Variants in COG5 observed in about 807,000 individuals in gnomAD.
The protein encoded by COG5 is conserved oligomeric Golgi complex subunit 5.
Under a neutral mutation model 110.4 loss-of-function variants are expected in COG5, and 86 were observed. That is an observed-to-expected ratio of 0.78 (90% CI 0.65 to 0.93). The LOEUF is 0.93. COG5 is among the 40% of genes least tolerant of loss of function. The pLI is 0.00. For missense variants in COG5, 1,077 were observed against 987.0 expected (o/e 1.09, Z -1.22); for synonymous variants, 360 against 334.6 (o/e 1.08, Z -0.83).
chr7:107,284,950 G>A (rs554066819), intron 12 of COG5, among the ~76,000 whole-genome samples: 2 of 152,040 alleles, frequency 1.3e-5, no homozygotes, highest in South Asian at 4.2e-4. Context: ...TCATGTATAT[G>A]AAACTTGGCT....
intron 17 of COG5, among the ~76,000 whole-genome samples, chr7:107,243,667 G>GT (rs1801829301): frequency 6.6e-6 from 1 of 152,016 alleles, no homozygotes; most frequent in African/African-American, 2.4e-5. Context: ...TGGACCAAAT[G>GT]CAACTGATAG....
chr7:107,230,472 T>C, intron 19 of COG5, 143 bp downstream of exon 19: 1 of 733,302 alleles, frequency 1.4e-6, no homozygotes. Context: ...CTGATTTGAA[T>C]ACTTTCTAAG....
chr7:107,409,088 A>G (rs1434519718), intron 7 of COG5, among the ~76,000 whole-genome samples: 1 of 152,022 alleles, frequency 6.6e-6, no homozygotes, highest in African/African-American at 2.4e-5. Flanking sequence ...TTGAGATTTT[A>G]AAGTTATCAG....
chr7:107,310,224 C>G (rs1014264966), intron 11 of COG5, among the ~76,000 whole-genome samples: 1 of 152,124 alleles, frequency 6.6e-6, no homozygotes, highest in Non-Finnish European at 1.5e-5. Context: ...CAATCCAACA[C>G]GAGCAAAGAA....
chr7:107,256,734 T>C lies in COG5; in HGVS notation c.1747A>G (p.Lys583Glu). ...AGTCAAAGATTAAATTCTTTTACCT[T>C]TAGAGCTGAAATTATAGTTTGCTCA... ...AAEQTIISAL[K>E]AIHALMENAV... is the part of the protein sequence containing the mutation. The change falls in exon 16 of 22, where the codon AAG becomes GAG. Residue 583 changes from lysine to glutamate, a missense_variant and splice_region_variant. Transcript: ENST00000297135. 1 of 1,605,778 alleles carries C rather than the reference T, an allele frequency of 6.2e-7. No individual in the cohort carries two copies. The highest frequency in any genetic ancestry group is 8.5e-7 in the Non-Finnish European group (1 of 1,173,488).
chr7:107,310,318 A>AT (rs1411222721), intron 11 of COG5, among the ~76,000 whole-genome samples: 1 of 152,250 alleles, frequency 6.6e-6, no homozygotes, highest in African/African-American at 2.4e-5. Context: ...CAGAAGTGGA[A>AT]TAAAAAGCTC....
chr7:107,435,799 T>C (rs1794329995), intron 6 of COG5, among the ~76,000 whole-genome samples: 1 of 152,232 alleles, frequency 6.6e-6, no homozygotes, highest in African/African-American at 2.4e-5. Flanking sequence ...CTTCTATATA[T>C]ACCAAAAGAT....
chr7:107,412,748 T>A, intron 6 of COG5, 116 bp from the exon 7 acceptor site: 1 of 677,954 alleles, frequency 1.5e-6, no homozygotes, highest in South Asian at 1.9e-5. Context: ...TAAACAGGGT[T>A]GCCATTCAAA....
intron 6 of COG5, among the ~76,000 whole-genome samples, chr7:107,505,301 C>T (rs1193910472): frequency 1.3e-5 from 2 of 152,068 alleles, no homozygotes; most frequent in Non-Finnish European, 2.9e-5. Flanking sequence ...CAGAGGTGGC[C>T]GAGGAAGCTC....
intron 7 of COG5, among the ~76,000 whole-genome samples, chr7:107,387,054 G>A (rs1243076599): frequency 6.6e-6 from 1 of 152,220 alleles, no homozygotes; most frequent in African/African-American, 2.4e-5. Flanking sequence ...CCTGTCTTAA[G>A]CAAGTGGCAT....
intron 14 of COG5, among the ~76,000 whole-genome samples, chr7:107,277,357 A>T (rs1420657855): frequency 2.0e-5 from 3 of 152,198 alleles, no homozygotes; most frequent in Non-Finnish European, 4.4e-5. Flanking sequence ...AGGCCAGTAA[A>T]GCCCCTTACT....
chr7:107,257,980 A>G (rs1177776576), intron 15 of COG5, among the ~76,000 whole-genome samples: 1 of 152,128 alleles, frequency 6.6e-6, no homozygotes, highest in African/African-American at 2.4e-5. Flanking sequence ...ACATGTTTCA[A>G]TAAGTATGAA....
intron 14 of COG5, among the ~76,000 whole-genome samples, chr7:107,276,775 A>C (rs1408109173): frequency 6.6e-6 from 1 of 152,274 alleles, no homozygotes; most frequent in African/African-American, 2.4e-5. Flanking sequence ...TGTTCAGTTT[A>C]ATCATAAAAT....
intron 1 of COG5, among the ~76,000 whole-genome samples, chr7:107,561,683 G>C (rs1413877510): frequency 6.6e-6 from 1 of 152,136 alleles, no homozygotes; most frequent in Non-Finnish European, 1.5e-5. Context: ...CCTTAGAACG[G>C]AGCAGAGACT....
At chr7:107,326,691 G>A (rs1809794926) in intron 10 of COG5, among the ~76,000 whole-genome samples, 1 of 152,170 alleles carries the variant, frequency 6.6e-6, no homozygotes, top group African/African-American at 2.4e-5. Flanking sequence ...TGGGTTGGAA[G>A]ACCTAATAAT....
At chr7:107,356,139 G>GA (rs1296926294) in intron 10 of COG5, among the ~76,000 whole-genome samples, 2 of 151,940 alleles carry the variant, frequency 1.3e-5, no homozygotes, top group Non-Finnish European at 2.9e-5. Flanking sequence ...TTTAACAAAG[G>GA]AAAATGTAAA....
rs2129067191 is a variant in COG5 at position 107,412,543 on chromosome 7, T to A, written c.628A>T (p.Asn210Tyr). The A allele has an allele frequency of 6.2e-7, 1 of 1,613,184 alleles. No homozygotes were observed. Among genetic ancestry groups the A allele is most frequent in the Non-Finnish European group, 8.5e-7 (1 of 1,179,638 alleles). ...TGCTCTAGTAGGCGCTTAGCTTGAT[T>A]TTCCACTTCAAGTCGGGCTCTTGCA... ...FIARARLEVE[N>Y]QAKRLLEQGL... Residue 210 changes from asparagine (N) to tyrosine (Y), a missense_variant, in exon 7 of 22, where the codon AAT becomes TAT. Transcript: ENST00000297135.
intron 6 of COG5, among the ~76,000 whole-genome samples, chr7:107,481,937 A>T (rs1311014346): frequency 6.6e-6 from 1 of 152,132 alleles, no homozygotes; most frequent in African/African-American, 2.4e-5. Context: ...ACTGACTGGT[A>T]AGTAAATATT....
chr7:107,223,566 GA>G (rs1800107740), intron 19 of COG5, among the ~76,000 whole-genome samples: 1 of 152,172 alleles, frequency 6.6e-6, no homozygotes, highest in South Asian at 2.1e-4. Flanking sequence ...GAATGCAACA[GA>G]AGACAGTGAG....
Sources: gnomAD v4.1 joint callset for allele counts (sites outside exome capture counted in the v4.1 genomes callset) on GRCh38, gnomAD v4.1.1 for gene constraint, MANE v1.5 for transcripts, NCBI Gene and HGNC (gene_info 2026-07-23, HGNC 2026-07-21) for gene names.